SPAG9: variants seen among roughly 807,000 people sequenced by gnomAD.
SPAG9 encodes sperm associated antigen 9.
SPAG9 carries 35 observed loss-of-function variants against 166.5 expected under a neutral mutation model. That is an observed-to-expected ratio of 0.21 (90% confidence interval 0.16 to 0.28). The LOEUF (loss-of-function observed/expected upper bound fraction) is 0.28, where lower values mean the gene tolerates loss of function less well. Ranked by LOEUF, SPAG9 falls within the 10% of genes least tolerant of loss-of-function variation. SPAG9 has a pLI of 1.00. For synonymous variants in SPAG9, 534 were observed against 565.5 expected, an observed-to-expected ratio of 0.94 and a Z score of 0.79; for missense variants, 1,235 against 1,603.3, an observed-to-expected ratio of 0.77 and a Z score of 3.92.
intron 2 of SPAG9, among the ~76,000 whole-genome samples, chr17:51,060,230 C>T (rs753212629): frequency 2.6e-5 from 4 of 151,906 alleles, no homozygotes; most frequent in Non-Finnish European, 4.4e-5. Context: ...AAGGGCCGGG[C>T]GAGGTGGCTC....
At chr17:51,068,051 C>A (rs2047723231) in intron 2 of SPAG9, among the ~76,000 whole-genome samples, 1 of 152,264 alleles carries the variant, frequency 6.6e-6, no homozygotes, top group East Asian at 1.9e-4. Flanking sequence ...TGCTAGAATG[C>A]CATATCCAAC....
chr17:51,097,790 A>G (rs1034404000), intron 1 of SPAG9, among the ~76,000 whole-genome samples: 2 of 152,012 alleles, frequency 1.3e-5, no homozygotes, highest in East Asian at 1.9e-4. Context: ...AAACACTCCC[A>G]TATTTTTTTA....
At chr17:51,060,444 C>T (rs1365404957) in intron 2 of SPAG9, among the ~76,000 whole-genome samples, 3 of 149,070 alleles carry the variant, frequency 2.0e-5, no homozygotes, top group South Asian at 2.1e-4. Context: ...TGGAGGTTGC[C>T]GTGAGCTGAG....
At chr17:51,115,657 C>G (rs1290209303) in intron 1 of SPAG9, among the ~76,000 whole-genome samples, 9 of 151,796 alleles carry the variant, frequency 5.9e-5, no homozygotes, top group Non-Finnish European at 1.2e-4. Flanking sequence ...ATGCAGAAAC[C>G]CCAACTCCAC....
intron 1 of SPAG9, among the ~76,000 whole-genome samples, chr17:51,099,008 A>G (rs1390343025): frequency 6.6e-6 from 1 of 151,268 alleles, no homozygotes; most frequent in African/African-American, 2.4e-5. Flanking sequence ...GCTGAGGCAG[A>G]AGAACTGCTT....
At chr17:51,001,667 A>T (rs750570577) in intron 13 of SPAG9, 48 bp downstream of exon 13, 1 of 1,571,898 alleles carries the variant, frequency 6.4e-7, no homozygotes, top group South Asian at 1.2e-5. Context: ...GAATATTCAA[A>T]CCTACAAAAT....
At chr17:51,109,105 G>A (rs941413096) in intron 1 of SPAG9, among the ~76,000 whole-genome samples, 36 of 151,076 alleles carry the variant, frequency 2.4e-4, no homozygotes, top group Non-Finnish European at 3.5e-4. Flanking sequence ...CAGGTGATCC[G>A]CCCGCCTCAG....
At chr17:51,113,353 C>CAAAAAA (rs34917845) in intron 1 of SPAG9, among the ~76,000 whole-genome samples, 1 of 95,904 alleles carries the variant, frequency 1.0e-5, no homozygotes, top group Non-Finnish European at 2.1e-5. Flanking sequence ...AATGCCATAT[C>CAAAAAA]AAAAAAAAAA....
In SPAG9 at chr17:50,990,269, C is replaced by A. The variant is rs1358953289; in HGVS notation, c.2617+181G>T. The A allele has an allele frequency of 6.8e-6, 4 of 589,884 alleles. No homozygotes were observed. The East Asian group carries it at 1.2e-4, about 17-fold the overall frequency. 36.5% of individuals were successfully genotyped at this position (589,884 alleles called of 1,614,324 possible). A position where few individuals can be genotyped will look rare whatever the true frequency, so the allele number is the denominator to read the frequency against. ...GGTCTTGATCTCCTGACCTCGTGAT[C>A]CACCCGCCTTGGCCTCCCAGAGTGC... is the stretch of plus-strand genomic sequence containing the variant. On this transcript the variant is annotated intron_variant, in intron 20 of 29. Transcript: ENST00000262013.
intron 15 of SPAG9, 50 bp from the exon 16 acceptor site, chr17:50,996,744 T>C (rs2044699850): frequency 1.9e-6 from 3 of 1,583,520 alleles, no homozygotes; most frequent in Non-Finnish European, 8.6e-7. Flanking sequence ...TTAATTACGT[T>C]TATCCCCAGT....
At chr17:51,102,335 C>T (rs954939541) in intron 1 of SPAG9, among the ~76,000 whole-genome samples, 1 of 149,718 alleles carries the variant, frequency 6.7e-6, no homozygotes, top group Non-Finnish European at 1.5e-5. Context: ...ACCTAAAGGC[C>T]AGAGGTTACA....
chr17:51,116,743 G>A (rs1051578238), intron 1 of SPAG9, among the ~76,000 whole-genome samples: 2 of 152,136 alleles, frequency 1.3e-5, no homozygotes, highest in Non-Finnish European at 2.9e-5. Flanking sequence ...CAGCCTAGGC[G>A]ATTGAGACTC....
chr17:51,047,270 G>C (rs2047051375), intron 4 of SPAG9, 105 bp downstream of exon 4: 1 of 662,290 alleles, frequency 1.5e-6, no homozygotes, highest in African/African-American at 1.9e-5. Flanking sequence ...AGAGCTTTTT[G>C]AATCAGCCTA....
intron 1 of SPAG9, among the ~76,000 whole-genome samples, chr17:51,089,833 T>G (rs535028638): frequency 2.5e-4 from 37 of 150,554 alleles, no homozygotes; most frequent in African/African-American, 8.8e-4. Flanking sequence ...CCCACCACCA[T>G]GCCCAGCTAA....
At chr17:50,983,597 C>G (rs550873708) in intron 24 of SPAG9, among the ~76,000 whole-genome samples, 3 of 152,330 alleles carry the variant, frequency 2.0e-5, no homozygotes, top group Middle Eastern at 3.4e-3. Context: ...CTCTTCTGAA[C>G]TCAAATGCAG....
chr17:51,069,743 A>T (rs1371080411), intron 2 of SPAG9, among the ~76,000 whole-genome samples: 1 of 152,140 alleles, frequency 6.6e-6, no homozygotes, highest in African/African-American at 2.4e-5. Context: ...TAATGTTTCA[A>T]AGTGAAGGCT....
Position 51,075,944 on chromosome 17 carries a change from A to G in SPAG9, c.424+3640T>C, listed in dbSNP as rs1027749538. Among the ~76,000 whole-genome samples, 11 of 151,872 alleles carry G rather than the reference A, an allele frequency of 7.2e-5. No homozygotes were observed. In the East Asian group the frequency reaches 1.7e-3, roughly 24 times the overall value. ...CCCTGTCTCTACTAAAAATACAAAAAATTAGCTGGGGGTGATGGCAGGCAC... is the reference window on the plus strand; with the variant it reads ...CCCTGTCTCTACTAAAAATACAAAAGATTAGCTGGGGGTGATGGCAGGCAC... On this transcript the variant is annotated intron_variant, in intron 2 of 29. Coordinates refer to ENST00000262013, the MANE Select transcript of SPAG9 (RefSeq NM_001130528.3).
At chr17:51,076,800 C>T (rs531464672) in intron 2 of SPAG9, among the ~76,000 whole-genome samples, 6 of 151,940 alleles carry the variant, frequency 3.9e-5, no homozygotes, top group East Asian at 1.9e-4. Flanking sequence ...AAACTTAATA[C>T]GTAAAACAAT....
chr17:50,977,071 T>C (rs1974258324), intron 27 of SPAG9, 37 bp downstream of exon 27: 4 of 1,246,652 alleles, frequency 3.2e-6, no homozygotes, highest in Non-Finnish European at 3.5e-6. Context: ...ATAATTCTCC[T>C]ATTTGTTCCA....
Sources: allele counts gnomAD v4.1 joint callset (sites outside exome capture counted in the v4.1 genomes callset), GRCh38; gene constraint gnomAD v4.1.1; transcripts MANE v1.5; gene names NCBI Gene and HGNC (gene_info 2026-07-23, HGNC 2026-07-21).